Variants in SORBS2 observed in about 807,000 individuals in gnomAD.
The protein encoded by SORBS2 is sorbin and SH3 domain containing 2.
SORBS2 carries 46 observed loss-of-function variants against 97.7 expected under a neutral mutation model. The ratio of observed to expected loss-of-function variants is 0.47; its 90% CI spans 0.37 to 0.60. SORBS2 has a LOEUF of 0.60. SORBS2 is among the 20% of genes least tolerant of loss of function. SORBS2 has a pLI of 0.00. For missense variants in SORBS2, 1,316 were observed against 1,282.3 expected (o/e 1.03, Z -0.40); for synonymous variants, 476 against 473.4 (o/e 1.01, Z -0.07).
chr4:185,741,035 A>G (rs1562236869), intron 2 of SORBS2, among the ~76,000 whole-genome samples: 1 of 152,156 alleles, frequency 6.6e-6, no homozygotes, highest in Non-Finnish European at 1.5e-5. Flanking sequence ...TCAAACCAGC[A>G]CCAACTCAGC....
At chr4:185,602,533 A>G (rs992885774) in intron 12 of SORBS2, among the ~76,000 whole-genome samples, 2 of 152,216 alleles carry the variant, frequency 1.3e-5, no homozygotes, top group African/African-American at 4.8e-5. Flanking sequence ...TAAAGAATGA[A>G]ATTGCACTGA....
At chr4:185,935,051 C>A (rs375220363) in intron 1 of SORBS2, among the ~76,000 whole-genome samples, 1 of 152,320 alleles carries the variant, frequency 6.6e-6, no homozygotes. Flanking sequence ...CAAGTCAAAT[C>A]ATTACAGATA....
chr4:185,601,753 C>T (rs1357697909), intron 12 of SORBS2, among the ~76,000 whole-genome samples: 2 of 151,910 alleles, frequency 1.3e-5, no homozygotes, highest in Non-Finnish European at 2.9e-5. Flanking sequence ...GGAAAGAGCA[C>T]GTGAACATAT....
At chr4:185,863,209 T>C (rs1183177438) in intron 1 of SORBS2, among the ~76,000 whole-genome samples, 1 of 152,218 alleles carries the variant, frequency 6.6e-6, no homozygotes, top group Admixed American at 6.5e-5. Context: ...AGAATAGGAA[T>C]GATGGGATCT....
chr4:185,629,560 A>ATTTTTTTTTTTTTTT (rs201590422), intron 5 of SORBS2, among the ~76,000 whole-genome samples: 1 of 134,084 alleles, frequency 7.5e-6, no homozygotes. Context: ...GAATTTTGTG[A>ATTTTTTTTTTTTTTT]TTTGTTTTTT....
At chr4:185,721,673 A>G (rs1167598128) in intron 2 of SORBS2, among the ~76,000 whole-genome samples, 2 of 152,238 alleles carry the variant, frequency 1.3e-5, no homozygotes, top group African/African-American at 4.8e-5. Flanking sequence ...ATTTTACTGT[A>G]AAGTGGAAGA....
intron 4 of SORBS2, among the ~76,000 whole-genome samples, chr4:185,634,026 T>A (rs1237318524): frequency 2.0e-5 from 3 of 152,216 alleles, no homozygotes; most frequent in Non-Finnish European, 4.4e-5. Flanking sequence ...TTGATTTTCT[T>A]CAGATTACAT....
intron 1 of SORBS2, among the ~76,000 whole-genome samples, chr4:185,914,022 C>T (rs2149891954): frequency 6.6e-6 from 1 of 152,216 alleles, no homozygotes; most frequent in Non-Finnish European, 1.5e-5. Context: ...TATTGACACA[C>T]AAAGCTTAAA....
intron 2 of SORBS2, among the ~76,000 whole-genome samples, chr4:185,717,906 C>T (rs2098479281): frequency 6.6e-6 from 1 of 152,180 alleles, no homozygotes; most frequent in Non-Finnish European, 1.5e-5. Flanking sequence ...AAATACGTTA[C>T]AGTAAGCACT....
chr4:185,640,070 T>G (rs1212108869), intron 4 of SORBS2, among the ~76,000 whole-genome samples: 1 of 152,250 alleles, frequency 6.6e-6, no homozygotes, highest in African/African-American at 2.4e-5. Context: ...TTTAGTGATG[T>G]GACTTTGTTT....
At chr4:185,814,463 C>T (rs1047204406) in intron 1 of SORBS2, among the ~76,000 whole-genome samples, 1 of 152,140 alleles carries the variant, frequency 6.6e-6, no homozygotes, top group African/African-American at 2.4e-5. Flanking sequence ...AATGTTTGAG[C>T]CTGGGAGGTC....
intron 2 of SORBS2, among the ~76,000 whole-genome samples, chr4:185,700,476 C>T (rs865949899): frequency 3.3e-5 from 5 of 152,026 alleles, no homozygotes; most frequent in African/African-American, 9.7e-5. Flanking sequence ...TCTTTCATCT[C>T]GTGGAACTCA....
rs1424729206 is a variant in SORBS2 at position 185,793,877 on chromosome 4, A to C, written c.-337-18511T>G. On this transcript the variant is annotated intron_variant, in intron 1 of 20. Transcript: ENST00000284776. The stretch of plus-strand genomic sequence containing the variant: ...CCAAGCCTGTGGTTGAAAGATATGG[A>C]GTCACATGGCAGCGGCCACACCTCC... Among the ~76,000 whole-genome samples, 13 of 152,334 alleles carry C rather than the reference A, an allele frequency of 8.5e-5. No individual in the cohort carries two copies. The South Asian group carries it at 1.7e-3, about 19-fold the overall frequency.
At chr4:185,726,473 C>G (rs2098555094) in intron 2 of SORBS2, among the ~76,000 whole-genome samples, 1 of 151,772 alleles carries the variant, frequency 6.6e-6, no homozygotes, top group Non-Finnish European at 1.5e-5. Flanking sequence ...GAATAATAAC[C>G]AAAGTTTTCA....
At chr4:185,639,305 C>G (rs1159447254) in intron 4 of SORBS2, among the ~76,000 whole-genome samples, 1 of 151,972 alleles carries the variant, frequency 6.6e-6, no homozygotes, top group East Asian at 1.9e-4. Context: ...CCGTGGATGG[C>G]GGGGAAGGGG....
intron 2 of SORBS2, among the ~76,000 whole-genome samples, chr4:185,721,081 A>ATTTTT (rs2098509431): frequency 4.3e-5 from 3 of 69,592 alleles, no homozygotes; most frequent in African/African-American, 5.9e-5. Context: ...TTTCCCACCT[A>ATTTTT]TTCTTTTTTT....
intron 1 of SORBS2, among the ~76,000 whole-genome samples, chr4:185,784,435 T>C (rs2099046744): frequency 6.6e-6 from 1 of 152,168 alleles, no homozygotes; most frequent in South Asian, 2.1e-4. Context: ...AGGCTGTCCT[T>C]TTCTTTCTAA....
At chr4:185,661,475 A>G (rs983603943), upstream of SORBS2, among the ~76,000 whole-genome samples, 6 of 152,150 alleles carry the variant, frequency 3.9e-5, no homozygotes, top group African/African-American at 1.4e-4. Flanking sequence ...GGAGAGCTCT[A>G]TCTTTCACTG....
intron 1 of SORBS2, among the ~76,000 whole-genome samples, chr4:185,802,973 G>A (rs747443489): frequency 5.3e-5 from 8 of 152,142 alleles, no homozygotes; most frequent in Non-Finnish European, 1.2e-4. Context: ...TTTGCTTTTG[G>A]TTGGAAGCAG....
Sources: allele counts gnomAD v4.1 joint callset (sites outside exome capture counted in the v4.1 genomes callset), GRCh38; gene constraint gnomAD v4.1.1; transcripts MANE v1.5; gene names NCBI Gene and HGNC (gene_info 2026-07-23, HGNC 2026-07-21).